Variants in VPS13C observed in about 807,000 individuals in gnomAD.
The protein encoded by VPS13C is vacuolar protein sorting 13 homolog C, also known as intermembrane lipid transfer protein VPS13C.
A neutral mutation model predicts 456.8 loss-of-function variants in VPS13C; 358 were observed. The ratio of observed to expected loss-of-function variants is 0.78; its 90% CI spans 0.72 to 0.86. The LOEUF is 0.86. VPS13C is among the 40% of genes least tolerant of loss of function. VPS13C has a pLI of 0.00. For missense variants in VPS13C, 4,818 were observed against 4,385.4 expected (o/e 1.10, Z -2.79); for synonymous variants, 1,578 against 1,486.7 (o/e 1.06, Z -1.41).
At chr15:61,913,567 C>T (rs1406989205) in intron 61 of VPS13C, 152 bp from the exon 62 acceptor site, 1 of 597,096 alleles carries the variant, frequency 1.7e-6, no homozygotes, top group Non-Finnish European at 2.8e-6. Flanking sequence ...GGTAACAGAA[C>T]CACAAAAAAC....
intron 20 of VPS13C, 88 bp downstream of exon 20, chr15:61,983,732 G>A: frequency 7.4e-7 from 1 of 1,354,536 alleles, no homozygotes; most frequent in East Asian, 2.5e-5. Context: ...GTAAATAAAT[G>A]TTAAATATGA....
At chr15:62,037,252 T>TTTATATATATTATATTATATAATATA (rs1418794995) in intron 3 of VPS13C, among the ~76,000 whole-genome samples, 36 of 22,210 alleles carry the variant, frequency 1.6e-3, no homozygotes, top group East Asian at 0.01. Context: ...ATATAATATA[T>TTTATATATATTATATTATATAATATA]TTATATATAT....
At chr15:61,890,912 T>A (rs2042630773) in intron 66 of VPS13C, among the ~76,000 whole-genome samples, 1 of 152,116 alleles carries the variant, frequency 6.6e-6, no homozygotes, top group South Asian at 2.1e-4. Flanking sequence ...CCAGGCATGG[T>A]GGCGGGCACC....
chr15:62,027,246 T>TAA (rs145428490), intron 6 of VPS13C, among the ~76,000 whole-genome samples: 1 of 151,284 alleles, frequency 6.6e-6, no homozygotes, highest in Non-Finnish European at 1.5e-5. Context: ...AATATACCTT[T>TAA]AAAAAAAAAC....
chr15:62,039,701 GCAATAA>G (rs2048179372), intron 3 of VPS13C, among the ~76,000 whole-genome samples: 1 of 152,016 alleles, frequency 6.6e-6, no homozygotes, highest in African/African-American at 2.4e-5. Context: ...CAAAAGATAG[GCAATAA>G]CAAATGTTAG....
At chr15:61,959,644 G>A in intron 35 of VPS13C, 49 bp from the exon 36 acceptor site, 1 of 1,553,308 alleles carries the variant, frequency 6.4e-7, no homozygotes, top group South Asian at 1.2e-5. Flanking sequence ...GGGTAGAAAT[G>A]CAACATATTA....
At position 61,890,365 on chromosome 15, in the gene VPS13C, G is replaced by A. The variant is rs747660393; in HGVS notation, c.9141C>T (p.Ile3047=). The A allele has an allele frequency of 6.2e-7, 1 of 1,613,996 alleles. No individual in the cohort carries two copies. Among genetic ancestry groups the A allele is most frequent in the Admixed American group, 1.7e-5 (1 of 59,976 alleles). ...GCGQFPYDAN[I]QIHWVSFLDG... is the part of the protein sequence containing the mutation. ...CCAGAAATGATACCCAGTGTATCTG[G>A]ATGTTTGCATCATATGGAAACTGTC... The change falls in exon 67 of 85, where the codon ATC becomes ATT. Residue 3047 remains isoleucine, a synonymous_variant. Transcript: ENST00000644861.
chr15:61,992,907 T>A (rs1052323949), intron 16 of VPS13C, among the ~76,000 whole-genome samples: 1 of 152,024 alleles, frequency 6.6e-6, no homozygotes, highest in African/African-American at 2.4e-5. Flanking sequence ...GATTCTAACA[T>A]GCAGCCAAGG....
chr15:61,881,715 G>T (rs1244153140), intron 70 of VPS13C, 32 bp downstream of exon 70: 3 of 1,602,942 alleles, frequency 1.9e-6, no homozygotes, highest in Non-Finnish European at 1.7e-6. Flanking sequence ...TATAAATAAG[G>T]TATATCTATG....
Position 61,963,815 on chromosome 15 carries a change from A to G in VPS13C, c.3331+20T>C. 1 of 1,552,074 alleles carries G rather than the reference A, an allele frequency of 6.4e-7. No homozygotes were observed. The highest frequency in any genetic ancestry group is 8.9e-7 in the Non-Finnish European group (1 of 1,127,760). On this transcript the variant is annotated intron_variant, in intron 32 of 84. Coordinates refer to ENST00000644861, the MANE Select transcript of VPS13C (RefSeq NM_020821.3). ...AAAGTTTATCTTTTCGCCAATTTTCAATGCCGTGTGAACTTTTACCTTGAA... is the reference window on the plus strand; with the variant it reads ...AAAGTTTATCTTTTCGCCAATTTTCGATGCCGTGTGAACTTTTACCTTGAA...
intron 79 of VPS13C, 21 bp from the exon 80 acceptor site, chr15:61,869,644 T>G (rs929585429): frequency 1.2e-6 from 2 of 1,613,462 alleles, no homozygotes; most frequent in Admixed American, 1.7e-5. Flanking sequence ...CCAATGACCA[T>G]GAATGGATAA....
At chr15:61,868,296 A>T (rs1894737257) in intron 81 of VPS13C, among the ~76,000 whole-genome samples, 1 of 152,162 alleles carries the variant, frequency 6.6e-6, no homozygotes, top group African/African-American at 2.4e-5. Flanking sequence ...AAGTAGTGCA[A>T]ATAAATTAAT....
In VPS13C at chr15:61,936,706, C is replaced by T. The variant is rs1567023383; in HGVS notation, c.5646G>A (p.Leu1882=). Residue 1882 remains leucine, a synonymous_variant, in exon 48 of 85, where the codon TTG becomes TTA. Transcript: ENST00000644861. The part of the protein sequence containing the change: ...EDDLTVLMKI[L]LENLGEASSQ... Reference sequence around the variant, plus strand: ...AGGAAGCTTCTCCAAGATTTTCTAGCAAAATTTTCATTAAAACTGTCAAGT... The same window carrying T: ...AGGAAGCTTCTCCAAGATTTTCTAGTAAAATTTTCATTAAAACTGTCAAGT... 1 of 1,613,380 alleles carries T rather than the reference C, an allele frequency of 6.2e-7. No homozygotes were observed. Among genetic ancestry groups the T allele is most frequent in the Non-Finnish European group, 8.5e-7 (1 of 1,179,702 alleles).
At chr15:62,014,944 A>G (rs142192371) in intron 9 of VPS13C, among the ~76,000 whole-genome samples, 113 of 152,318 alleles carry the variant, frequency 7.4e-4, no homozygotes, top group African/African-American at 2.5e-3. Context: ...CCAGGCAGAA[A>G]GTAATACAGA....
At chr15:61,992,761 T>G (rs945041988) in intron 16 of VPS13C, among the ~76,000 whole-genome samples, 2 of 152,106 alleles carry the variant, frequency 1.3e-5, no homozygotes, top group African/African-American at 4.8e-5. Flanking sequence ...CAATCCTTGC[T>G]GCACAAAAGA....
intron 27 of VPS13C, among the ~76,000 whole-genome samples, chr15:61,970,468 T>C (rs577687839): frequency 9.2e-5 from 14 of 152,266 alleles, no homozygotes; most frequent in African/African-American, 3.1e-4. Context: ...TTAGCAGATG[T>C]TATAATTACA....
intron 1 of VPS13C, among the ~76,000 whole-genome samples, chr15:62,048,705 T>G (rs1230693374): frequency 1.3e-5 from 2 of 152,014 alleles, no homozygotes; most frequent in Non-Finnish European, 2.9e-5. Context: ...GTTGAACTAG[T>G]TTACAGTCCC....
chr15:61,957,455 A>T (rs2045042436), intron 37 of VPS13C, among the ~76,000 whole-genome samples: 1 of 152,116 alleles, frequency 6.6e-6, no homozygotes, highest in Non-Finnish European at 1.5e-5. Context: ...GTATGTATTA[A>T]AATACAGTAA....
At chr15:62,006,825 T>C (rs909458321) in intron 15 of VPS13C, among the ~76,000 whole-genome samples, 2 of 152,220 alleles carry the variant, frequency 1.3e-5, no homozygotes, top group South Asian at 2.1e-4. Context: ...TATCTCATTG[T>C]GGTTTTGATT....
Sources: gnomAD v4.1 joint callset for allele counts (sites outside exome capture counted in the v4.1 genomes callset) on GRCh38, gnomAD v4.1.1 for gene constraint, MANE v1.5 for transcripts, NCBI Gene and HGNC (gene_info 2026-07-23, HGNC 2026-07-21) for gene names.